PIEZO2: variants seen among roughly 807,000 people sequenced by gnomAD.
PIEZO2 encodes piezo-type mechanosensitive ion channel component 2.
Under a neutral mutation model 337.3 loss-of-function variants are expected in PIEZO2, and 172 were observed. The ratio of observed to expected loss-of-function variants is 0.51; its 90% CI spans 0.45 to 0.58. The LOEUF (loss-of-function observed/expected upper bound fraction) is 0.58, where lower values mean the gene tolerates loss of function less well. PIEZO2 is among the 20% of genes least tolerant of loss of function. PIEZO2 has a pLI of 0.00. For synonymous variants in PIEZO2, 1,251 were observed against 1,228.5 expected, an observed-to-expected ratio of 1.02 and a Z score of -0.38; for missense variants, 3,028 against 3,391.3, an observed-to-expected ratio of 0.89 and a Z score of 2.66.
intron 4 of PIEZO2, among the ~76,000 whole-genome samples, chr18:10,887,971 T>C (rs1376862917): frequency 6.6e-6 from 1 of 152,172 alleles, no homozygotes; most frequent in Admixed American, 6.5e-5. Flanking sequence ...GTTTACTTTG[T>C]ATGTGATTTG....
chr18:10,866,925 G>A (rs2042022276), intron 5 of PIEZO2, among the ~76,000 whole-genome samples: 1 of 152,116 alleles, frequency 6.6e-6, no homozygotes, highest in Non-Finnish European at 1.5e-5. Flanking sequence ...CCAAGTGTCC[G>A]ACATTTTGAG....
At position 10,705,443 on chromosome 18, in the gene PIEZO2, C is replaced by T. The variant is rs1028165238; in HGVS notation, c.5892G>A (p.Lys1964=). ...SFGSQDDSAG[K]NRMAVSPDDS... is the part of the protein sequence containing the mutation. ...CGTCCGGGCTGACTGCCATACGGTT[C>T]TTGCCTGCAGAGTCGTCCTGCGAGC... The change falls in exon 41 of 56, where the codon AAG becomes AAA. Residue 1964 remains lysine, a synonymous_variant. Transcript: ENST00000674853. 2.3e-5 allele frequency: 36 copies of T among 1,537,148 alleles called. No individual in the cohort carries two copies. In the African/African-American group the frequency reaches 4.9e-4, roughly 21 times the overall value.
chr18:10,837,983 C>T lies in PIEZO2; in HGVS notation c.917+17370G>A, dbSNP rs921693792. Among the ~76,000 whole-genome samples, 7 of 152,182 alleles carry T rather than the reference C, an allele frequency of 4.6e-5. No individual in the cohort carries two copies. The East Asian group carries it at 9.7e-4, about 21-fold the overall frequency. On this transcript the variant is annotated intron_variant, in intron 7 of 55. Transcript: ENST00000674853. This position sits in a 1 kb window ranked among gnomAD's most constrained non-coding sequence, Gnocchi z 4.4. ...GCCAGGCTGGTCTCGAACTCCTGAT[C>T]GCAGGTGATCTGTCCGCCTCGGCCT...
At chr18:10,901,019 A>T (rs2043032794) in intron 4 of PIEZO2, among the ~76,000 whole-genome samples, 1 of 152,244 alleles carries the variant, frequency 6.6e-6, no homozygotes, top group African/African-American at 2.4e-5. Flanking sequence ...AAAAAGATTT[A>T]TTAAAAACAA....
chr18:10,946,955 C>T (rs1197441188), intron 3 of PIEZO2, among the ~76,000 whole-genome samples: 1 of 151,454 alleles, frequency 6.6e-6, no homozygotes, highest in Non-Finnish European at 1.5e-5. Flanking sequence ...CATACGTCAA[C>T]CAGCAATTAT....
chr18:10,994,568 C>T (rs1362968493), intron 2 of PIEZO2, among the ~76,000 whole-genome samples: 2 of 151,568 alleles, frequency 1.3e-5, no homozygotes, highest in African/African-American at 4.8e-5. Context: ...TGCCACCATG[C>T]CTAATTTTTT....
chr18:11,022,864 TGTCCGGA>T (rs2036365038), intron 2 of PIEZO2, among the ~76,000 whole-genome samples: 1 of 152,126 alleles, frequency 6.6e-6, no homozygotes, highest in Non-Finnish European at 1.5e-5. Context: ...AAAGGCGGTG[TGTCCGGA>T]GTTTGTTCCT....
chr18:10,934,247 G>A (rs1380315371), intron 3 of PIEZO2, among the ~76,000 whole-genome samples: 3 of 152,210 alleles, frequency 2.0e-5, no homozygotes, highest in African/African-American at 7.2e-5. Context: ...TGGAGGTAGT[G>A]ACTACTGTAA....
Position 10,682,105 on chromosome 18 carries a change from T to A in PIEZO2, c.7685A>T (p.Gln2562Leu). 1.3e-6 allele frequency: 2 copies of A among 1,535,144 alleles called. No homozygotes were observed. Among genetic ancestry groups the A allele is most frequent in the Non-Finnish European group, 1.7e-6 (2 of 1,145,698 alleles). Residue 2562 changes from glutamine to leucine, a missense_variant and splice_region_variant, in exon 50 of 56, where the codon CAG (glutamine) becomes CTG (leucine). By Grantham distance (113) the Gln-to-Leu change is moderately radical. Around this residue, in one of 5 missense-constraint regions of PIEZO2, gnomAD observed 332 missense variants for 363.8 expected, o/e 0.91. Coordinates refer to ENST00000674853, the MANE Select transcript of PIEZO2 (RefSeq NM_001378183.1). This position sits in a 1 kb window ranked among gnomAD's most constrained non-coding sequence, Gnocchi z 5.6. ...AGGTGGGGTGTGCACAGAGATCACC[T>A]GATACCCTCCCAGGGTAATTGTGAC... is the stretch of plus-strand genomic sequence containing the variant. ...VSVTITLGGY[Q>L]PIFTMSAQQS...
Position 10,724,488 on chromosome 18 carries a change from C to T in PIEZO2, c.5030-6229G>A, listed in dbSNP as rs780016104. The T allele has an allele frequency of 2.4e-6, 1 of 408,814 alleles. No individual in the cohort carries two copies. The highest frequency in any genetic ancestry group is 4.3e-6 in the Non-Finnish European group (1 of 232,794). The allele number at this position is 408,814 out of a possible 1,614,324, so 25.3% of individuals were successfully genotyped here. A position where few individuals can be genotyped will look rare whatever the true frequency, so the allele number is the denominator to read the frequency against. Reference sequence around the variant, plus strand: ...GAGCCTGGGCCCACCAAAGGCAATGCGGAGTACAGGGCCTGCTGGTCCTCT... The same window carrying T: ...GAGCCTGGGCCCACCAAAGGCAATGTGGAGTACAGGGCCTGCTGGTCCTCT... On this transcript the variant is annotated intron_variant, in intron 36 of 55. Coordinates refer to ENST00000674853, the MANE Select transcript of PIEZO2 (RefSeq NM_001378183.1). This position sits in a 1 kb window ranked among gnomAD's most constrained non-coding sequence, Gnocchi z 5.8.
chr18:11,076,342 G>A (rs2038543657), intron 1 of PIEZO2, among the ~76,000 whole-genome samples: 1 of 152,084 alleles, frequency 6.6e-6, no homozygotes, highest in African/African-American at 2.4e-5. Context: ...ACTTTTACAA[G>A]ATAATAGATT....
intron 26 of PIEZO2, among the ~76,000 whole-genome samples, chr18:10,758,792 G>A (rs2037995992): frequency 6.6e-6 from 1 of 152,220 alleles, no homozygotes; most frequent in African/African-American, 2.4e-5. Context: ...GAGAGCAGGT[G>A]GAGGTGGTGG....
rs1173865072 is a variant in PIEZO2, at chr18:10,847,053, G to A, written c.917+8300C>T. 1.3e-5 allele frequency among the ~76,000 whole-genome samples: 2 copies of A among 152,214 alleles called. No homozygotes were observed. The highest frequency in any genetic ancestry group is 3.8e-4 in the East Asian group (2 of 5,196). On this transcript the variant is annotated intron_variant, in intron 7 of 55. Transcript: ENST00000674853. The surrounding 1 kb of genome is among the most constrained non-coding windows in gnomAD (Gnocchi z 5.7). ...ATAAATAAGGAAACAGAGGTACAGA[G>A]AGTTTTAGTAAAGTTCTGCTAGGTG... is the stretch of plus-strand genomic sequence containing the variant.
At position 11,077,525 on chromosome 18, in the gene PIEZO2, C is replaced by G. The variant is rs150740774; in HGVS notation, c.65-11303G>C. Among the ~76,000 whole-genome samples, 2 of 152,082 alleles carry G rather than the reference C, an allele frequency of 1.3e-5. No individual in the cohort carries two copies. Among genetic ancestry groups the G allele is most frequent in the Non-Finnish European group, 2.9e-5 (2 of 68,020 alleles). On this transcript the variant is annotated intron_variant, in intron 1 of 55. Coordinates refer to ENST00000674853, the MANE Select transcript of PIEZO2 (RefSeq NM_001378183.1). The surrounding 1 kb of genome is among the most constrained non-coding windows in gnomAD (Gnocchi z 4.8). ...TCCACACAAAAAAAGAAAAAACTAG[C>G]TGGGCATGGTGGTGCATGCCTATAG...
At chr18:10,751,071 C>A (rs2037627514) in intron 28 of PIEZO2, among the ~76,000 whole-genome samples, 1 of 152,158 alleles carries the variant, frequency 6.6e-6, no homozygotes, top group Non-Finnish European at 1.5e-5. Flanking sequence ...CTTATCTAAG[C>A]AAGATATTAG....
intron 52 of PIEZO2, among the ~76,000 whole-genome samples, chr18:10,678,135 A>G (rs1461240839): frequency 6.6e-6 from 1 of 152,248 alleles, no homozygotes; most frequent in African/African-American, 2.4e-5. Flanking sequence ...TGACCAAAAG[A>G]GAACCCATCT....
At position 10,758,016 on chromosome 18, in the gene PIEZO2, C is replaced by T. The variant is rs776448840; in HGVS notation, c.3876G>A (p.Ala1292=). The T allele has an allele frequency of 1.5e-5, 23 of 1,536,798 alleles. No individual in the cohort carries two copies. The highest frequency in any genetic ancestry group is 4.9e-5 in the East Asian group (2 of 40,916). ...DNVEICMNLD[A]ASFSQHNPVP... is the part of the protein sequence containing the mutation. ...CAGGGTTATGTTGGCTGAAGGAGGC[C>T]GCATCAAGGTTCATGCAGATCTCGA... The change falls in exon 27 of 56, where the codon GCG becomes GCA. Residue 1292 remains alanine, a synonymous_variant. Coordinates refer to ENST00000674853, the MANE Select transcript of PIEZO2 (RefSeq NM_001378183.1).
At chr18:11,082,773 T>C (rs1385028303) in intron 1 of PIEZO2, among the ~76,000 whole-genome samples, 2 of 152,154 alleles carry the variant, frequency 1.3e-5, no homozygotes, top group Non-Finnish European at 2.9e-5. Flanking sequence ...TTGCTGCAGA[T>C]TGCCCAGAAT....
At chr18:11,089,957 C>T (rs2039023018) in intron 1 of PIEZO2, among the ~76,000 whole-genome samples, 1 of 152,176 alleles carries the variant, frequency 6.6e-6, no homozygotes, top group Non-Finnish European at 1.5e-5. Flanking sequence ...CTTCTCCTTA[C>T]AGAGAAGGGA....
Sources: gnomAD v4.1 joint callset for allele counts (sites outside exome capture counted in the v4.1 genomes callset) on GRCh38, gnomAD v4.1.1 for gene constraint, gnomAD v4.1.1 regional missense constraint, Gnocchi (gnomAD v3.1) non-coding constraint, MANE v1.5 for transcripts, NCBI Gene and HGNC (gene_info 2026-07-23, HGNC 2026-07-21) for gene names.